STOX2: variants seen among roughly 807,000 people sequenced by gnomAD.
STOX2 encodes storkhead-box protein 2.
STOX2 carries 28 observed loss-of-function variants against 60.9 expected under a neutral mutation model. The ratio of observed to expected loss-of-function variants is 0.46; its 90% CI spans 0.34 to 0.63. STOX2 has a LOEUF of 0.63. Ranked by LOEUF, STOX2 falls within the 30% of genes least tolerant of loss-of-function variation. The pLI, the probability that STOX2 is intolerant of heterozygous loss-of-function variation, is 0.01. For synonymous variants in STOX2, 472 were observed against 463.9 expected (o/e 1.02, Z -0.22); for missense variants, 1,024 against 1,187.7 (o/e 0.86, Z 2.03).
chr4:184,007,963 G>A, intron 2 of STOX2, among the ~76,000 whole-genome samples: 1 of 152,198 alleles, frequency 6.6e-6, no homozygotes, highest in Non-Finnish European at 1.5e-5. Context: ...AAATTGGGGT[G>A]GGGAGTGCAT....
At chr4:183,833,879 G>C (rs1340195442) in intron 1 of STOX2, among the ~76,000 whole-genome samples, 4 of 151,180 alleles carry the variant, frequency 2.6e-5, no homozygotes, top group Non-Finnish European at 5.9e-5. Flanking sequence ...CTACTTGGGA[G>C]GCTGAGGCAG....
chr4:183,841,325 C>T (rs1350886472), intron 1 of STOX2, among the ~76,000 whole-genome samples: 1 of 151,890 alleles, frequency 6.6e-6, no homozygotes, highest in Non-Finnish European at 1.5e-5. Context: ...TGCATGCCAC[C>T]ACACCAGGCT....
chr4:183,815,234 C>T (rs547865198), intron 1 of STOX2, among the ~76,000 whole-genome samples: 15 of 151,990 alleles, frequency 9.9e-5, no homozygotes, highest in Non-Finnish European at 2.1e-4. Context: ...GCGATCCTCC[C>T]GTCTCAGCCT....
At chr4:183,915,272 A>G (rs1047178217) in intron 1 of STOX2, among the ~76,000 whole-genome samples, 1 of 152,044 alleles carries the variant, frequency 6.6e-6, no homozygotes, top group African/African-American at 2.4e-5. Flanking sequence ...TTGCCTTCTC[A>G]CCCCTACAGA....
intron 1 of STOX2, among the ~76,000 whole-genome samples, chr4:183,895,258 G>A (rs1197414520): frequency 6.6e-6 from 1 of 152,118 alleles, no homozygotes; most frequent in Non-Finnish European, 1.5e-5. Flanking sequence ...TGAACATAAG[G>A]CATTATTTGT....
chr4:183,915,854 T>C (rs1377175050), intron 1 of STOX2, among the ~76,000 whole-genome samples: 1 of 152,182 alleles, frequency 6.6e-6, no homozygotes, highest in Non-Finnish European at 1.5e-5. Flanking sequence ...TTTCCACTTC[T>C]AGCATCAGAG....
intron 1 of STOX2, among the ~76,000 whole-genome samples, chr4:183,839,798 G>T (rs995712717): frequency 6.6e-6 from 1 of 152,130 alleles, no homozygotes; most frequent in Non-Finnish European, 1.5e-5. Context: ...TGGTGATGTG[G>T]CACCTAATGT....
chr4:183,822,224 G>A (rs1398952261), intron 1 of STOX2, among the ~76,000 whole-genome samples: 1 of 152,246 alleles, frequency 6.6e-6, no homozygotes, highest in Non-Finnish European at 1.5e-5. Flanking sequence ...AAAAGCTACT[G>A]CTAATGGAAC....
intron 1 of STOX2, among the ~76,000 whole-genome samples, chr4:183,970,851 C>T (rs73871350): frequency 7.9e-5 from 12 of 152,342 alleles, no homozygotes; most frequent in African/African-American, 2.9e-4. Context: ...TTATAAGTAT[C>T]CCTTGCCTAT....
At chr4:183,804,810 C>CTTTG (rs766857458) in intron 1 of STOX2, among the ~76,000 whole-genome samples, 1 of 152,000 alleles carries the variant, frequency 6.6e-6, no homozygotes, top group Non-Finnish European at 1.5e-5. Flanking sequence ...TTAGAATGAA[C>CTTTG]TTCTGAGATT....
chr4:184,006,606 G>A (rs1395820156), intron 2 of STOX2, among the ~76,000 whole-genome samples: 3 of 145,908 alleles, frequency 2.1e-5, no homozygotes, highest in Non-Finnish European at 4.5e-5. Flanking sequence ...AGGATCACCT[G>A]AGCCTGGGGA....
chr4:183,892,094 T>A (rs902295895), intron 1 of STOX2, among the ~76,000 whole-genome samples: 1 of 152,256 alleles, frequency 6.6e-6, no homozygotes, highest in Non-Finnish European at 1.5e-5. Flanking sequence ...ACTGTTTTAG[T>A]AAAACCCTTG....
intron 1 of STOX2, among the ~76,000 whole-genome samples, chr4:183,978,581 C>T (rs1340189967): frequency 2.0e-5 from 3 of 152,258 alleles, no homozygotes; most frequent in South Asian, 2.1e-4. Context: ...CAAAGCAATC[C>T]TACTTCAGTA....
chr4:183,843,766 G>GTAA (rs2111133784), intron 1 of STOX2, among the ~76,000 whole-genome samples: 1 of 152,194 alleles, frequency 6.6e-6, no homozygotes, highest in South Asian at 2.1e-4. Context: ...TATTATAAAG[G>GTAA]TAATACCATG....
At chr4:183,917,850 T>G (rs1741976617) in intron 1 of STOX2, among the ~76,000 whole-genome samples, 1 of 152,268 alleles carries the variant, frequency 6.6e-6, no homozygotes, top group Middle Eastern at 3.2e-3. Context: ...GGCACCCACT[T>G]GCTGGCTGTG....
intron 1 of STOX2, among the ~76,000 whole-genome samples, chr4:183,838,467 A>T (rs1739768479): frequency 6.6e-6 from 1 of 152,114 alleles, no homozygotes; most frequent in South Asian, 2.1e-4. Context: ...TAGTTTTGAG[A>T]TTTATTATAA....
In STOX2 at chr4:183,825,367, G is replaced by A. The variant is rs1196287556; in HGVS notation, c.364+27312G>A. 2.6e-5 allele frequency among the ~76,000 whole-genome samples: 4 copies of A among 152,088 alleles called. No homozygotes were observed. Among genetic ancestry groups the A allele is most frequent in the East Asian group, 1.9e-4 (1 of 5,182 alleles). On this transcript the variant is annotated intron_variant, in intron 1 of 2. Transcript: ENST00000513034. This position sits in a 1 kb window ranked among gnomAD's most constrained non-coding sequence, Gnocchi z 4.1. Reference sequence around the variant, plus strand: ...GTTGGGAGGAAGGTGGGCCGGGAGCGGTCAGCCTTCACACAGCTGGGCCAT... The same window carrying A: ...GTTGGGAGGAAGGTGGGCCGGGAGCAGTCAGCCTTCACACAGCTGGGCCAT...
chr4:183,989,998 T>C (rs140459943), intron 1 of STOX2, among the ~76,000 whole-genome samples: 5 of 152,344 alleles, frequency 3.3e-5, no homozygotes, highest in African/African-American at 1.2e-4. Context: ...CTTCTTTCTC[T>C]TCGCAGTCAC....
At chr4:183,916,193 G>A (rs554882332) in intron 1 of STOX2, among the ~76,000 whole-genome samples, 1 of 152,346 alleles carries the variant, frequency 6.6e-6, no homozygotes, top group Non-Finnish European at 1.5e-5. Context: ...GTGGCAGCCG[G>A]CAGGTGGTGC....
Sources: allele counts gnomAD v4.1 joint callset (sites outside exome capture counted in the v4.1 genomes callset), GRCh38; gene constraint gnomAD v4.1.1; non-coding constraint Gnocchi (gnomAD v3.1); transcripts MANE v1.5; gene names NCBI Gene and HGNC (gene_info 2026-07-23, HGNC 2026-07-21).